The following TCF12 variants were observed in gnomAD, a reference collection of about 807,000 sequenced individuals.
TCF12 encodes DNA-binding protein HTF4.
In TCF12, 45 loss-of-function variants were observed where a neutral mutation model predicts 86.0. That is an observed-to-expected ratio of 0.52 (90% CI 0.41 to 0.67). The LOEUF (loss-of-function observed/expected upper bound fraction) is 0.67, where lower values mean the gene tolerates loss of function less well. TCF12 is among the 30% of genes least tolerant of loss of function. The pLI is 0.00. For synonymous variants in TCF12, 330 were observed against 299.6 expected (o/e 1.10, Z -1.05); for missense variants, 881 against 859.9 (o/e 1.02, Z -0.31).
At chr15:56,918,342 CGAG>C (rs1226516573), upstream of TCF12, 1 of 441,104 alleles carries the variant, frequency 2.3e-6, no homozygotes. Flanking sequence ...AAGACCAACG[CGAG>C]GAGGCGCCAC....
chr15:57,086,180 TG>T, intron 4 of TCF12, among the ~76,000 whole-genome samples: 1 of 146,558 alleles, frequency 6.8e-6, no homozygotes, highest in Non-Finnish European at 1.5e-5. Flanking sequence ...TCTCAGAATT[TG>T]TAAGACATAA....
intron 3 of TCF12, among the ~76,000 whole-genome samples, chr15:56,971,616 G>A (rs187000088): frequency 1.9e-4 from 29 of 152,144 alleles, no homozygotes; most frequent in Non-Finnish European, 4.0e-4. Context: ...GTTTGTGCTA[G>A]ACAAAGGGAT....
chr15:57,065,203 G>A (rs560261801), intron 4 of TCF12, among the ~76,000 whole-genome samples: 1 of 152,340 alleles, frequency 6.6e-6, no homozygotes, highest in Admixed American at 6.5e-5. Flanking sequence ...CAGAGGCTGA[G>A]AAAGCTACAT....
intron 5 of TCF12, among the ~76,000 whole-genome samples, chr15:57,111,421 T>C (rs1377143544): frequency 1.3e-5 from 2 of 151,962 alleles, no homozygotes; most frequent in Admixed American, 1.3e-4. Flanking sequence ...GGTGTGTTCT[T>C]GTTCAGGGAA....
chr15:57,128,300 C>G (rs1204769511), intron 5 of TCF12, among the ~76,000 whole-genome samples: 3 of 152,126 alleles, frequency 2.0e-5, no homozygotes, highest in African/African-American at 7.2e-5. Flanking sequence ...AAGTTAGAAT[C>G]AAGATCATGT....
At chr15:57,246,682 A>G (rs1257941274) in intron 13 of TCF12, among the ~76,000 whole-genome samples, 2 of 152,204 alleles carry the variant, frequency 1.3e-5, no homozygotes, top group East Asian at 1.9e-4. Flanking sequence ...CGAAGCTACA[A>G]CAGATGAAAG....
rs573160160 is a variant in TCF12 at position 57,286,413 on chromosome 15, G to A, written c.*268G>A. On this transcript the variant is annotated 3_prime_UTR_variant, in exon 21 of 21. Transcript: ENST00000333725. ...AATCTTTTGTTGCAAGCAGTGTGTCGCTTCTGCACAATCAGAGACTGTCTC... is the reference window on the plus strand; with the variant it reads ...AATCTTTTGTTGCAAGCAGTGTGTCACTTCTGCACAATCAGAGACTGTCTC... The A allele has an allele frequency of 7.1e-5, 20 of 281,234 alleles. No individual in the cohort carries two copies. Among genetic ancestry groups the A allele is most frequent in the Non-Finnish European group, 1.2e-4 (17 of 141,142 alleles). The allele number at this position is 281,234 out of a possible 1,614,324, so 17.4% of individuals were successfully genotyped here.
Position 57,232,308 on chromosome 15 carries a change from T to G in TCF12, c.703T>G (p.Ser235Ala), listed in dbSNP as rs767088687. 11 of 1,614,044 alleles carry G rather than the reference T, an allele frequency of 6.8e-6. No homozygotes were observed. The change falls in exon 10 of 21, where the codon TCT (serine) becomes GCT (alanine). Residue 235 changes from serine to alanine, a missense_variant. This residue lies in a region of TCF12 where 766 missense variants were observed against 718.9 expected (regional missense o/e 1.07). Coordinates refer to ENST00000333725, the MANE Select transcript of TCF12 (RefSeq NM_207037.2). ...FFMQDGTHNS[S>A]DLWSSSNGMS... ...TGTCTTAGATGGGACCCACAATTCT[T>G]CTGACCTTTGGAGTTCATCAAATGG...
At chr15:57,188,814 G>A (rs1183498243) in intron 6 of TCF12, among the ~76,000 whole-genome samples, 2 of 152,076 alleles carry the variant, frequency 1.3e-5, no homozygotes, top group Non-Finnish European at 2.9e-5. Context: ...TTTGAGACAG[G>A]GTCTCACTCT....
chr15:57,063,916 T>A, intron 4 of TCF12, 93 bp downstream of exon 4: 1 of 1,029,488 alleles, frequency 9.7e-7, no homozygotes, highest in Non-Finnish European at 1.4e-6. Context: ...AAATGAAAAT[T>A]AATTTCTTTT....
intron 3 of TCF12, among the ~76,000 whole-genome samples, chr15:57,026,525 G>A (rs559969205): frequency 9.2e-5 from 14 of 152,114 alleles, no homozygotes; most frequent in African/African-American, 1.9e-4. Context: ...TGTGCTTCTC[G>A]GATAAAAATT....
intron 8 of TCF12, chr15:57,219,175 A>G: frequency 9.3e-7 from 1 of 1,075,306 alleles, no homozygotes; most frequent in Non-Finnish European, 1.1e-6. Flanking sequence ...GTGTGTATAT[A>G]TGTATATATG....
In TCF12 at chr15:57,037,860, A is replaced by G. The variant is rs558658295; in HGVS notation, c.149-25890A>G. ...CTTTTTCAGGAAGGACTTTATTTCT[A>G]TTGCTAGTGCTAAAACACATACGTT... On this transcript the variant is annotated intron_variant, in intron 3 of 20. Transcript: ENST00000333725. Among the ~76,000 whole-genome samples, 7 of 152,270 alleles carry G rather than the reference A, an allele frequency of 4.6e-5. No individual in the cohort carries two copies. The South Asian group carries it at 1.2e-3, about 27-fold the overall frequency.
chr15:57,061,383 A>C (rs1395952189), intron 3 of TCF12, among the ~76,000 whole-genome samples: 1 of 152,192 alleles, frequency 6.6e-6, no homozygotes, highest in Non-Finnish European at 1.5e-5. Flanking sequence ...GCTGGAGGCC[A>C]GGAGTTCAAG....
intron 3 of TCF12, among the ~76,000 whole-genome samples, chr15:57,016,858 A>C (rs115832991): frequency 3.3e-5 from 5 of 152,212 alleles, no homozygotes; most frequent in African/African-American, 1.2e-4. Context: ...GAGAGAATTT[A>C]TCTCTCCAGA....
intron 20 of TCF12, among the ~76,000 whole-genome samples, chr15:57,283,102 G>A (rs1304386889): frequency 2.6e-5 from 4 of 152,186 alleles, no homozygotes; most frequent in African/African-American, 9.7e-5. Context: ...CCACTTGCAA[G>A]CACATCAGTT....
chr15:56,966,952 G>C (rs1595889753), intron 3 of TCF12, among the ~76,000 whole-genome samples: 1 of 152,206 alleles, frequency 6.6e-6, no homozygotes, highest in Admixed American at 6.5e-5. Flanking sequence ...GTGAAAACCT[G>C]TCTCTACTAA....
In TCF12 at chr15:57,158,184, G is replaced by GTTTTTTTTTTTTTTTTTTTT. The variant is rs374179677; in HGVS notation, c.326-8215_326-8214insTTTTTTTTTTTTTTTTTTTT. Reference sequence around the variant, plus strand: ...ACAGATGTTAAAGTCTCAGAAAGTCGTTTCTTTTTTTTTTTTTTCTTTGAG... The same window carrying GTTTTTTTTTTTTTTTTTTTT: ...ACAGATGTTAAAGTCTCAGAAAGTCGTTTTTTTTTTTTTTTTTTTTTTTCTTTTTTTTTTTTTTCTTTGAG... On this transcript the variant is annotated intron_variant, in intron 5 of 20. Transcript: ENST00000333725. 1.0e-4 allele frequency among the ~76,000 whole-genome samples: 14 copies of GTTTTTTTTTTTTTTTTTTTT among 134,086 alleles called. 4 individuals carry two copies. The highest frequency in any genetic ancestry group is 8.0e-5 in the Non-Finnish European group (5 of 62,334). The allele number at this position is 134,086 out of a possible 152,430, so 88.0% of individuals were successfully genotyped here. A position where few individuals can be genotyped will look rare whatever the true frequency, so the allele number is the denominator to read the frequency against.
chr15:57,108,518 A>G (rs1404110727), intron 5 of TCF12, among the ~76,000 whole-genome samples: 1 of 152,024 alleles, frequency 6.6e-6, no homozygotes, highest in Non-Finnish European at 1.5e-5. Flanking sequence ...CTCTTACACA[A>G]TTTCAGTTTT....
Sources: allele counts gnomAD v4.1 joint callset (sites outside exome capture counted in the v4.1 genomes callset), GRCh38; gene constraint gnomAD v4.1.1; regional missense constraint gnomAD v4.1.1; transcripts MANE v1.5; gene names NCBI Gene and HGNC (gene_info 2026-07-23, HGNC 2026-07-21).